The following EYS variants were observed in gnomAD, a reference collection of about 807,000 sequenced individuals.
EYS encodes the protein protein eyes shut homolog.
In EYS, 250 loss-of-function variants were observed where a neutral mutation model predicts 282.1. The ratio of observed to expected loss-of-function variants is 0.89; its 90% CI spans 0.80 to 0.98. The LOEUF is 0.98. Ranked by LOEUF, EYS falls within the 50% of genes least tolerant of loss-of-function variation. The pLI, the probability that EYS is intolerant of heterozygous loss-of-function variation, is 0.00. For missense variants in EYS, 4,016 were observed against 3,709.0 expected (o/e 1.08, Z -2.15); for synonymous variants, 1,355 against 1,282.9 (o/e 1.06, Z -1.20).
At chr6:65,380,930 G>T (rs866965492) in intron 8 of EYS, among the ~76,000 whole-genome samples, 4 of 152,068 alleles carry the variant, frequency 2.6e-5, no homozygotes, top group African/African-American at 9.7e-5. Context: ...ACCATCTCAT[G>T]CCAGTTAGAA....
chr6:63,736,619 T>A (rs1768920186), intron 41 of EYS, among the ~76,000 whole-genome samples: 1 of 152,204 alleles, frequency 6.6e-6, no homozygotes, highest in African/African-American at 2.4e-5. Flanking sequence ...TCCAATTTTG[T>A]GAAGAAAGTC....
chr6:65,540,745 C>T (rs1228083516), intron 2 of EYS, among the ~76,000 whole-genome samples: 1 of 151,992 alleles, frequency 6.6e-6, no homozygotes, highest in Non-Finnish European at 1.5e-5. Flanking sequence ...ATGGTGAAAC[C>T]CCGTCTCTAC....
chr6:65,194,047 ATAGGATT>A (rs1765706182), intron 12 of EYS, among the ~76,000 whole-genome samples: 1 of 151,960 alleles, frequency 6.6e-6, no homozygotes, highest in Non-Finnish European at 1.5e-5. Flanking sequence ...ATCTGATGAG[ATAGGATT>A]TTTTCTCTTT....
chr6:65,694,984 T>C (rs1423386102), intron 1 of EYS, among the ~76,000 whole-genome samples: 1 of 151,890 alleles, frequency 6.6e-6, no homozygotes. Flanking sequence ...ATTTTCAAAA[T>C]GAAGGAGAAT....
At chr6:65,252,733 AAAATAC>A (rs1767359874) in intron 12 of EYS, among the ~76,000 whole-genome samples, 1 of 152,004 alleles carries the variant, frequency 6.6e-6, no homozygotes, top group Admixed American at 6.6e-5. Context: ...AGTCAATGGA[AAAATAC>A]AAAGTCTCAG....
intron 35 of EYS, among the ~76,000 whole-genome samples, chr6:63,909,694 C>T (rs915382715): frequency 3.3e-5 from 5 of 152,312 alleles, no homozygotes; most frequent in East Asian, 1.9e-4. Context: ...TTTACTAACA[C>T]GCCGCTTCCA....
intron 12 of EYS, among the ~76,000 whole-genome samples, chr6:65,077,102 G>A (rs748653749): frequency 3.9e-5 from 6 of 152,182 alleles, no homozygotes; most frequent in African/African-American, 7.2e-5. Flanking sequence ...AGCATCAGGT[G>A]TGGAAGCAGT....
chr6:64,634,321 A>G (rs1562103036), intron 22 of EYS, among the ~76,000 whole-genome samples: 1 of 152,184 alleles, frequency 6.6e-6, no homozygotes, highest in Non-Finnish European at 1.5e-5. Flanking sequence ...TTGAGGGTAG[A>G]TTGTTATATG....
rs1455304047 is a variant in EYS, at chr6:64,837,528, G to A, written c.2993-14706C>T. ...TAAAAAACATCAAAATGAAAAAAGA[G>A]TAAGTCAAATTGTCCCATTGTCCCT... is the stretch of plus-strand genomic sequence containing the variant. On this transcript the variant is annotated intron_variant, in intron 19 of 42. Coordinates refer to ENST00000503581, the MANE Select transcript of EYS (RefSeq NM_001142800.2). Among the ~76,000 whole-genome samples the A allele has an allele frequency of 2.0e-5, 3 of 150,076 alleles. No individual in the cohort carries two copies. In the Admixed American group the frequency reaches 2.0e-4, roughly 10 times the overall value.
intron 22 of EYS, among the ~76,000 whole-genome samples, chr6:64,650,419 TG>T (rs1768516780): frequency 6.6e-6 from 1 of 151,982 alleles, no homozygotes; most frequent in Non-Finnish European, 1.5e-5. Flanking sequence ...TTTTAGCCAG[TG>T]TGACTAAAAA....
intron 29 of EYS, among the ~76,000 whole-genome samples, chr6:64,355,676 C>T (rs1388773425): frequency 6.6e-6 from 1 of 151,606 alleles, no homozygotes; most frequent in Non-Finnish European, 1.5e-5. Context: ...TTTTGGACAT[C>T]CATTAATCAA....
rs1320090704 is a variant in EYS, at chr6:64,487,461, CAATAA to C, written c.5645-48114_5645-48110del. Reference sequence around the variant, plus strand: ...TTAGGTCATTTCCTTAGTACAGCAACAATAAAATAAGCATAATTGGGAATTAATAT... The same window carrying C: ...TTAGGTCATTTCCTTAGTACAGCAACAATAAGCATAATTGGGAATTAATAT... On this transcript the variant is annotated intron_variant, in intron 26 of 42. Transcript: ENST00000503581. 8.6e-5 allele frequency among the ~76,000 whole-genome samples: 13 copies of C among 150,648 alleles called. No homozygotes were observed. In the Admixed American group the frequency reaches 8.7e-4, roughly 10 times the overall value.
At chr6:65,560,708 A>G (rs1471924790) in intron 2 of EYS, among the ~76,000 whole-genome samples, 1 of 152,032 alleles carries the variant, frequency 6.6e-6, no homozygotes, top group Non-Finnish European at 1.5e-5. Flanking sequence ...AGCATATTAA[A>G]TGGATATATA....
intron 5 of EYS, among the ~76,000 whole-genome samples, chr6:65,461,462 G>A (rs541040513): frequency 1.3e-5 from 2 of 152,182 alleles, no homozygotes; most frequent in East Asian, 1.9e-4. Flanking sequence ...TCACCCAGAT[G>A]TATAAGCTCA....
At chr6:65,603,878 G>GT (rs199881208) in intron 2 of EYS, among the ~76,000 whole-genome samples, 56 of 151,480 alleles carry the variant, frequency 3.7e-4, no homozygotes, top group African/African-American at 8.7e-4. Flanking sequence ...AACTGCTCAT[G>GT]TTTTTTTTGT....
intron 31 of EYS, among the ~76,000 whole-genome samples, chr6:64,115,250 C>T (rs1031441096): frequency 9.2e-5 from 14 of 152,212 alleles, no homozygotes; most frequent in East Asian, 1.9e-4. Flanking sequence ...TGCTGCAGTT[C>T]GGGGGTGGGG....
In EYS at chr6:65,365,254, C is replaced by T. The variant is rs79660117; in HGVS notation, c.1300-11637G>A. On this transcript the variant is annotated intron_variant, in intron 8 of 42. Coordinates refer to ENST00000503581, the MANE Select transcript of EYS (RefSeq NM_001142800.2). ...ATAGCAACAACCAACAAAAAACTCA[C>T]TCATATTTTTCCAGGACCTAGGAGG... Among the ~76,000 whole-genome samples the T allele has an allele frequency of 6.6e-3, 1,006 of 151,874 alleles. 17 individuals are homozygous for T. Among genetic ancestry groups the T allele is most frequent in the African/African-American group, 0.021 (868 of 41,546 alleles).
At chr6:64,507,191 T>C (rs1582832623) in intron 26 of EYS, among the ~76,000 whole-genome samples, 1 of 152,124 alleles carries the variant, frequency 6.6e-6, no homozygotes, top group Admixed American at 6.5e-5. Flanking sequence ...ATATAAATTT[T>C]TTTTATTGTT....
At chr6:63,917,389 C>G (rs1359282785) in intron 35 of EYS, among the ~76,000 whole-genome samples, 2 of 152,222 alleles carry the variant, frequency 1.3e-5, no homozygotes, top group Non-Finnish European at 2.9e-5. Flanking sequence ...TGCAAACAAC[C>G]TCTGTATATT....
Sources: allele counts gnomAD v4.1 joint callset (sites outside exome capture counted in the v4.1 genomes callset), GRCh38; gene constraint gnomAD v4.1.1; transcripts MANE v1.5; gene names NCBI Gene and HGNC (gene_info 2026-07-23, HGNC 2026-07-21).